The following RASSF8 variants were observed in gnomAD, a reference collection of about 807,000 sequenced individuals.
RASSF8 encodes Ras association domain family member 8, also known as ras association domain-containing protein 8.
A neutral mutation model predicts 48.5 loss-of-function variants in RASSF8; 22 were observed. The ratio of observed to expected loss-of-function variants is 0.45; its 90% confidence interval spans 0.32 to 0.65. The LOEUF is 0.65. RASSF8 is among the 30% of genes least tolerant of loss of function. The pLI is 0.03. For missense variants in RASSF8, 418 were observed against 489.2 expected (o/e 0.85, Z 1.37); for synonymous variants, 127 against 171.5 (o/e 0.74, Z 2.03).
At chr12:26,068,095 C>T (rs1351783928) in intron 5 of RASSF8, among the ~76,000 whole-genome samples, 2 of 152,030 alleles carry the variant, frequency 1.3e-5, no homozygotes, top group Non-Finnish European at 2.9e-5. Flanking sequence ...GAATAAACTA[C>T]TTGTATTCAG....
Position 26,068,788 on chromosome 12 carries a change from T to C in RASSF8, c.1230T>C (p.Ser410=). The C allele has an allele frequency of 2.0e-6, 3 of 1,537,224 alleles. No individual in the cohort carries two copies. The South Asian group carries it at 3.6e-5, about 18-fold the overall frequency. Residue 410 remains serine (S), a synonymous_variant, in exon 6 of 6, where the codon TCT becomes TCC. Transcript: ENST00000689635. ...NLRILQNPIS[S]GFNPEGIYV The stretch of plus-strand genomic sequence containing the variant: ...GCATTCTGCAGAATCCTATCTCATC[T>C]GGTTTTAATCCTGAAGGCATATATG...
chr12:25,982,722 T>C lies in RASSF8; in HGVS notation c.-202-12315T>C, dbSNP rs979791422. Among the ~76,000 whole-genome samples, 6 of 152,322 alleles carry C rather than the reference T, an allele frequency of 3.9e-5. No homozygotes were observed. The East Asian group carries it at 9.6e-4, about 24-fold the overall frequency. ...AGAGCCTCCTATGGGGAAAAAAGTTTAGTAGACAATGTCTCCACATAGAGC... is the reference window on the plus strand; with the variant it reads ...AGAGCCTCCTATGGGGAAAAAAGTTCAGTAGACAATGTCTCCACATAGAGC... On this transcript the variant is annotated intron_variant, in intron 1 of 5. Transcript: ENST00000689635.
chr12:25,988,699 A>G (rs888686128), intron 1 of RASSF8, among the ~76,000 whole-genome samples: 13 of 152,214 alleles, frequency 8.5e-5, no homozygotes, highest in Admixed American at 2.6e-4. Flanking sequence ...CTGCTTTATC[A>G]GGAACCCCTC....
intron 2 of RASSF8, among the ~76,000 whole-genome samples, chr12:25,997,856 A>G (rs1465072604): frequency 6.6e-6 from 1 of 152,228 alleles, no homozygotes; most frequent in Non-Finnish European, 1.5e-5. Context: ...CGTTTTTAGA[A>G]GATGAGTAAT....
At position 25,964,602 on chromosome 12, in the gene RASSF8, G is replaced by A. The variant is rs143150338; in HGVS notation, c.-203+5454G>A. On this transcript the variant is annotated intron_variant, in intron 1 of 5. Transcript: ENST00000689635. ...ATAGTAATTTTACTATTGGAAAATC[G>A]CTTAAGACTAAATTATTCTTCCAGA... is the stretch of plus-strand genomic sequence containing the variant. Among the ~76,000 whole-genome samples, 50 of 152,148 alleles carry A rather than the reference G, an allele frequency of 3.3e-4. No homozygotes were observed. The East Asian group carries it at 8.5e-3, about 26-fold the overall frequency.
chr12:26,070,551 A>T lies in RASSF8; in HGVS notation c.*1733A>T. ...GTAAATGATTCTTACCTAAATAACC[A>T]CAACCTGTACACATTTGCTCACAAT... On this transcript the variant is annotated 3_prime_UTR_variant, in exon 6 of 6. Coordinates refer to ENST00000689635, the MANE Select transcript of RASSF8 (RefSeq NM_001394098.1). 1.0e-6 allele frequency: 1 copy of T among 980,438 alleles called. No individual in the cohort carries two copies. The highest frequency in any genetic ancestry group is 1.2e-6 in the Non-Finnish European group (1 of 825,416). 60.7% of individuals were successfully genotyped at this position (980,438 alleles called of 1,614,324 possible).
At chr12:25,983,661 A>G (rs1941796324) in intron 1 of RASSF8, among the ~76,000 whole-genome samples, 1 of 152,234 alleles carries the variant, frequency 6.6e-6, no homozygotes. Flanking sequence ...GCACATGTCC[A>G]GCATAGTTCA....
intron 2 of RASSF8, among the ~76,000 whole-genome samples, chr12:26,049,569 G>T (rs1943446226): frequency 6.6e-6 from 1 of 152,156 alleles, no homozygotes. Context: ...TAACCCTGCT[G>T]GGTATGAGAG....
At chr12:25,969,330 T>C (rs1941431120) in intron 1 of RASSF8, among the ~76,000 whole-genome samples, 1 of 152,220 alleles carries the variant, frequency 6.6e-6, no homozygotes, top group Non-Finnish European at 1.5e-5. Context: ...AACTTCTCTG[T>C]GCCTTATCGG....
chr12:25,960,645 C>T (rs1455868219), intron 1 of RASSF8, among the ~76,000 whole-genome samples: 1 of 152,108 alleles, frequency 6.6e-6, no homozygotes, highest in Non-Finnish European at 1.5e-5. Flanking sequence ...ATGATAAAAC[C>T]TTTCAAAAAT....
intron 2 of RASSF8, among the ~76,000 whole-genome samples, chr12:26,014,426 AAAT>A (rs1325916635): frequency 1.3e-5 from 2 of 152,154 alleles, no homozygotes; most frequent in African/African-American, 4.8e-5. Flanking sequence ...ATGTTTTGGG[AAAT>A]AATAAATACG....
intron 1 of RASSF8, among the ~76,000 whole-genome samples, chr12:25,986,813 A>C (rs1468772926): frequency 6.6e-6 from 1 of 151,974 alleles, no homozygotes; most frequent in Non-Finnish European, 1.5e-5. Flanking sequence ...TCTTTGCTTT[A>C]ATTTCCTTTC....
At chr12:25,967,959 T>G (rs1490095302) in intron 1 of RASSF8, among the ~76,000 whole-genome samples, 1 of 152,228 alleles carries the variant, frequency 6.6e-6, no homozygotes, top group Non-Finnish European at 1.5e-5. Flanking sequence ...TCGGGGCCCT[T>G]CTCTATCAGT....
At chr12:26,023,878 A>G (rs1377246529) in intron 2 of RASSF8, among the ~76,000 whole-genome samples, 1 of 152,232 alleles carries the variant, frequency 6.6e-6, no homozygotes, top group Non-Finnish European at 1.5e-5. Context: ...GCAAAGATGT[A>G]TTGGAATAAG....
rs1943995718 is a variant in RASSF8, at chr12:26,071,333, C to A, written c.*2515C>A. 1 of 972,110 alleles carries A rather than the reference C, an allele frequency of 1.0e-6. No individual in the cohort carries two copies. The highest frequency in any genetic ancestry group is 1.2e-6 in the Non-Finnish European group (1 of 818,120). 60.2% of individuals were successfully genotyped at this position (972,110 alleles called of 1,614,324 possible). On this transcript the variant is annotated 3_prime_UTR_variant, in exon 6 of 6. Coordinates refer to ENST00000689635, the MANE Select transcript of RASSF8 (RefSeq NM_001394098.1). The stretch of plus-strand genomic sequence containing the variant: ...TAGTGGGCAATGGTATACAAAAATA[C>A]CAAATATAAAATTTTCATCTGGGGG...
At chr12:26,027,711 A>G (rs1942945804) in intron 2 of RASSF8, among the ~76,000 whole-genome samples, 1 of 152,240 alleles carries the variant, frequency 6.6e-6, no homozygotes, top group South Asian at 2.1e-4. Flanking sequence ...TTAAACATTT[A>G]TTAAGCACCT....
intron 2 of RASSF8, among the ~76,000 whole-genome samples, chr12:26,053,420 CAT>C (rs944946695): frequency 6.6e-6 from 1 of 152,096 alleles, no homozygotes; most frequent in African/African-American, 2.4e-5. Flanking sequence ...AAGAATAAAA[CAT>C]ATTCTATTTT....
chr12:25,978,088 G>A (rs1429137059), intron 1 of RASSF8, among the ~76,000 whole-genome samples: 2 of 152,146 alleles, frequency 1.3e-5, no homozygotes, highest in African/African-American at 4.8e-5. Context: ...CACTTTGATG[G>A]CATTTTATTA....
chr12:26,031,554 A>T (rs1338415526), intron 2 of RASSF8, among the ~76,000 whole-genome samples: 1 of 152,182 alleles, frequency 6.6e-6, no homozygotes, highest in Non-Finnish European at 1.5e-5. Context: ...CAGGTGGATC[A>T]CAGAGAGGTG....
Sources: gnomAD v4.1 joint callset for allele counts (sites outside exome capture counted in the v4.1 genomes callset) on GRCh38, gnomAD v4.1.1 for gene constraint, MANE v1.5 for transcripts, NCBI Gene and HGNC (gene_info 2026-07-23, HGNC 2026-07-21) for gene names.